The following TRABD2B variants were observed in gnomAD, a reference collection of about 807,000 sequenced individuals.
TRABD2B encodes the protein TraB domain containing 2B.
A neutral mutation model predicts 40.1 loss-of-function variants in TRABD2B; 14 were observed. The ratio of observed to expected loss-of-function variants is 0.35; its 90% CI spans 0.23 to 0.55. TRABD2B has a LOEUF of 0.55. TRABD2B is among the 20% of genes least tolerant of loss of function. TRABD2B has a pLI of 0.90. For missense variants in TRABD2B, 541 were observed against 648.6 expected, an observed-to-expected ratio of 0.83 and a Z score of 1.80; for synonymous variants, 263 against 277.0, an observed-to-expected ratio of 0.95 and a Z score of 0.50.
intron 2 of TRABD2B, among the ~76,000 whole-genome samples, chr1:47,830,755 CA>C (rs1410864588): frequency 2.6e-5 from 4 of 152,116 alleles, no homozygotes; most frequent in African/African-American, 9.7e-5. Flanking sequence ...CACTGTGAGC[CA>C]GGGAAAGACG....
At chr1:47,862,973 CT>C (rs1283793192) in intron 2 of TRABD2B, among the ~76,000 whole-genome samples, 1 of 152,108 alleles carries the variant, frequency 6.6e-6, no homozygotes, top group African/African-American at 2.4e-5. Context: ...CTATGGCTGC[CT>C]TTTCAACAAA....
intron 2 of TRABD2B, among the ~76,000 whole-genome samples, chr1:47,925,538 C>G (rs565424082): frequency 2.6e-5 from 4 of 152,206 alleles, no homozygotes; most frequent in Non-Finnish European, 5.9e-5. Context: ...TATATACTTT[C>G]TTTCATTTAA....
chr1:47,772,542 G>A (rs1445136319), intron 6 of TRABD2B, among the ~76,000 whole-genome samples: 2 of 152,124 alleles, frequency 1.3e-5, no homozygotes, highest in East Asian at 1.9e-4. Flanking sequence ...GGGCCAGGAC[G>A]ACAGGTGCAA....
At chr1:47,861,021 A>G (rs181254548) in intron 2 of TRABD2B, among the ~76,000 whole-genome samples, 261 of 152,284 alleles carry the variant, frequency 1.7e-3, no homozygotes, top group African/African-American at 5.9e-3. Context: ...AGACCAATGG[A>G]ATGTTAGCCT....
chr1:47,817,940 G>GT (rs1244956078), intron 2 of TRABD2B: 2 of 152,312 alleles, frequency 1.3e-5, no homozygotes, highest in Non-Finnish European at 2.9e-5. Context: ...AAACATAATT[G>GT]AACGAAAATA....
intron 2 of TRABD2B, among the ~76,000 whole-genome samples, chr1:47,946,989 C>T (rs1645268177): frequency 6.6e-6 from 1 of 151,928 alleles, no homozygotes; most frequent in South Asian, 2.1e-4. Flanking sequence ...AGGTACCTAC[C>T]CTTTATTGAG....
At chr1:47,928,773 C>A (rs1467919961) in intron 2 of TRABD2B, among the ~76,000 whole-genome samples, 7 of 152,200 alleles carry the variant, frequency 4.6e-5, no homozygotes, top group African/African-American at 9.6e-5. Flanking sequence ...ACTGAAGGGT[C>A]CCTCAGGCCC....
intron 3 of TRABD2B, among the ~76,000 whole-genome samples, 183 bp downstream of exon 3, chr1:47,801,290 A>G (rs1291252720): frequency 2.6e-5 from 4 of 151,876 alleles, no homozygotes; most frequent in Non-Finnish European, 5.9e-5. Flanking sequence ...AAACTCAACA[A>G]CTCATAAGCT....
chr1:47,949,383 T>C (rs115540659), intron 2 of TRABD2B, among the ~76,000 whole-genome samples: 3,295 of 150,324 alleles, frequency 0.022, 91 homozygotes, highest in Admixed American at 0.082. Flanking sequence ...CACTCTATGA[T>C]TGTATTTTCT....
intron 2 of TRABD2B, among the ~76,000 whole-genome samples, chr1:47,860,208 C>T (rs184396899): frequency 6.6e-6 from 1 of 152,324 alleles, no homozygotes; most frequent in East Asian, 1.9e-4. Flanking sequence ...CTGTTTCCCT[C>T]TCTTAAAACT....
chr1:47,931,207 T>C (rs1645035650), intron 2 of TRABD2B, among the ~76,000 whole-genome samples: 1 of 152,222 alleles, frequency 6.6e-6, no homozygotes, highest in Non-Finnish European at 1.5e-5. Flanking sequence ...GTACAGGCTT[T>C]AGGATTCCTT....
At chr1:47,773,527 A>G (rs1298618072) in intron 6 of TRABD2B, among the ~76,000 whole-genome samples, 1 of 152,198 alleles carries the variant, frequency 6.6e-6, no homozygotes, top group Non-Finnish European at 1.5e-5. Context: ...CCCACGTACT[A>G]TTCTTGTGGC....
intron 2 of TRABD2B, among the ~76,000 whole-genome samples, chr1:47,878,066 G>A (rs552707708): frequency 6.6e-6 from 1 of 151,876 alleles, no homozygotes; most frequent in Non-Finnish European, 1.5e-5. Flanking sequence ...TGTAATCCCA[G>A]CACTTTGGGA....
intron 2 of TRABD2B, among the ~76,000 whole-genome samples, chr1:47,959,277 ACACCCTGACAT>A (rs1645473529): frequency 6.6e-6 from 1 of 152,192 alleles, no homozygotes; most frequent in African/African-American, 2.4e-5. Context: ...TCTAAAATTG[ACACCCTGACAT>A]CACAATTAAA....
At chr1:47,767,692 C>T (rs943253114) in intron 6 of TRABD2B, among the ~76,000 whole-genome samples, 7 of 152,206 alleles carry the variant, frequency 4.6e-5, no homozygotes, top group Non-Finnish European at 1.0e-4. Context: ...TTTGGGCTGG[C>T]CAGCCTAGAG....
intron 3 of TRABD2B, 33 bp downstream of exon 3, chr1:47,801,440 C>A: frequency 6.5e-7 from 1 of 1,528,782 alleles, no homozygotes; most frequent in Non-Finnish European, 8.8e-7. Context: ...CTAATAAATG[C>A]CAGGTATCCA....
intron 2 of TRABD2B, chr1:47,818,249 C>G (rs1645061782): frequency 6.6e-6 from 1 of 152,450 alleles, no homozygotes; most frequent in African/African-American, 2.4e-5. Context: ...TGATGCCCAC[C>G]AGCTCATGAT....
At position 47,996,565 on chromosome 1, in the gene TRABD2B, GC is replaced by G; in HGVS notation, c.102+122del. The G allele has an allele frequency of 9.0e-7, 1 of 1,112,008 alleles. No individual in the cohort carries two copies. The highest frequency in any genetic ancestry group is 1.1e-6 in the Non-Finnish European group (1 of 894,186). The allele number at this position is 1,112,008 out of a possible 1,614,324, so 68.9% of individuals were successfully genotyped here. A position where few individuals can be genotyped will look rare whatever the true frequency, so the allele number is the denominator to read the frequency against. ...GCGAAGGAAGGGCGCCCGAGGCTGC[GC>G]CCGGGGGGTGGAGGTGGAGCGGGCG... On this transcript the variant is annotated intron_variant, in intron 1 of 6. Transcript: ENST00000606738. The surrounding 1 kb of genome is among the most constrained non-coding windows in gnomAD (Gnocchi z 4.6).
intron 2 of TRABD2B, among the ~76,000 whole-genome samples, chr1:47,910,322 A>C (rs1211127432): frequency 6.6e-6 from 1 of 152,208 alleles, no homozygotes; most frequent in Non-Finnish European, 1.5e-5. Context: ...TTCATCCTCT[A>C]GGACAGACTT....
Sources: allele counts gnomAD v4.1 joint callset (sites outside exome capture counted in the v4.1 genomes callset), GRCh38; gene constraint gnomAD v4.1.1; non-coding constraint Gnocchi (gnomAD v3.1); transcripts MANE v1.5; gene names NCBI Gene and HGNC (gene_info 2026-07-23, HGNC 2026-07-21).